The following KCNIP4 variants were observed in gnomAD, a reference collection of about 807,000 sequenced individuals.
KCNIP4 encodes potassium voltage-gated channel interacting protein 4, also known as Kv channel-interacting protein 4.
A neutral mutation model predicts 34.0 loss-of-function variants in KCNIP4; 12 were observed. That is an observed-to-expected ratio of 0.35 (90% CI 0.23 to 0.57). KCNIP4 has a LOEUF of 0.57. Ranked by LOEUF, KCNIP4 falls within the 20% of genes least tolerant of loss-of-function variation. The probability of loss-of-function intolerance (pLI) is 0.83; values close to 1 mark genes in which losing one functional copy is unlikely to be tolerated. For synonymous variants in KCNIP4, 124 were observed against 102.2 expected (o/e 1.21, Z -1.29); for missense variants, 238 against 311.7 (o/e 0.76, Z 1.78).
At chr4:21,512,189 G>A (rs956641466) in intron 1 of KCNIP4, among the ~76,000 whole-genome samples, 4 of 65,250 alleles carry the variant, frequency 6.1e-5, no homozygotes, top group Non-Finnish European at 1.4e-4. Flanking sequence ...AGGAACGAAC[G>A]AAGGAACGAA....
At chr4:21,542,089 T>A (rs1248317259) in intron 1 of KCNIP4, among the ~76,000 whole-genome samples, 2 of 152,332 alleles carry the variant, frequency 1.3e-5, no homozygotes, top group Admixed American at 6.5e-5. Context: ...TGCAGCTAAG[T>A]AAGAGAACAT....
chr4:21,486,503 C>T (rs141591106), intron 1 of KCNIP4, among the ~76,000 whole-genome samples: 1 of 152,240 alleles, frequency 6.6e-6, no homozygotes, highest in African/African-American at 2.4e-5. Context: ...CTCTAAGAAT[C>T]ATCAGTAAAA....
chr4:21,450,928 T>A (rs1025479923), intron 1 of KCNIP4, among the ~76,000 whole-genome samples: 2 of 152,144 alleles, frequency 1.3e-5, no homozygotes, highest in Non-Finnish European at 2.9e-5. Flanking sequence ...AAATCACAAA[T>A]AATTTGGGAT....
At chr4:21,030,017 C>T (rs1014520531) in intron 1 of KCNIP4, among the ~76,000 whole-genome samples, 1 of 152,188 alleles carries the variant, frequency 6.6e-6, no homozygotes, top group African/African-American at 2.4e-5. Flanking sequence ...CAGTTGGAGA[C>T]TCCCTTTGCT....
intron 1 of KCNIP4, among the ~76,000 whole-genome samples, chr4:21,139,573 A>C (rs906575938): frequency 4.6e-5 from 7 of 151,954 alleles, no homozygotes; most frequent in Non-Finnish European, 8.8e-5. Flanking sequence ...CTGTGATCAC[A>C]CCCTTCCCAG....
intron 1 of KCNIP4, among the ~76,000 whole-genome samples, chr4:21,323,656 A>G (rs909498392): frequency 1.3e-5 from 2 of 151,918 alleles, no homozygotes; most frequent in African/African-American, 2.4e-5. Flanking sequence ...TCCTTTATCC[A>G]TTTGTTTTTG....
At chr4:21,371,503 G>A (rs1720449439) in intron 1 of KCNIP4, among the ~76,000 whole-genome samples, 2 of 146,822 alleles carry the variant, frequency 1.4e-5, no homozygotes, top group South Asian at 4.2e-4. Flanking sequence ...GTGAGCTTGA[G>A]CATGATCCCT....
At chr4:21,616,996 T>C (rs1744653023) in intron 1 of KCNIP4, among the ~76,000 whole-genome samples, 1 of 152,226 alleles carries the variant, frequency 6.6e-6, no homozygotes, top group Non-Finnish European at 1.5e-5. Context: ...TACTAAGTGA[T>C]GTAAGTTCTT....
intron 1 of KCNIP4, among the ~76,000 whole-genome samples, chr4:21,257,940 G>T (rs115007331): frequency 9.9e-5 from 15 of 152,146 alleles, no homozygotes; most frequent in African/African-American, 3.1e-4. Context: ...GTAGCAAGCC[G>T]TTCTGATTGT....
At chr4:21,051,431 G>A (rs1183569747) in intron 1 of KCNIP4, among the ~76,000 whole-genome samples, 1 of 152,116 alleles carries the variant, frequency 6.6e-6, no homozygotes, top group East Asian at 1.9e-4. Flanking sequence ...ATAAAAAGCA[G>A]TAATTAATTT....
chr4:21,504,077 G>T (rs1266684244), intron 1 of KCNIP4, among the ~76,000 whole-genome samples: 1 of 152,078 alleles, frequency 6.6e-6, no homozygotes, highest in Non-Finnish European at 1.5e-5. Context: ...AGGGCTCAAA[G>T]ATCTACATTT....
At position 21,372,320 on chromosome 4, in the gene KCNIP4, G is replaced by T. The variant is rs1053478897; in HGVS notation, c.62-489611C>A. 2.1e-5 allele frequency among the ~76,000 whole-genome samples: 3 copies of T among 146,048 alleles called. 1 individual carries two copies. Among genetic ancestry groups the T allele is most frequent in the African/African-American group, 8.3e-5 (3 of 36,132 alleles). On this transcript the variant is annotated intron_variant, in intron 1 of 8. Coordinates refer to ENST00000382152, the MANE Select transcript of KCNIP4 (RefSeq NM_025221.6). ...TATATTCAATGTATCAAACTGGATA[G>T]AGAGTTCTTTTTTCAAGTTTTCCAG...
At chr4:21,836,327 G>T (rs534124797) in intron 1 of KCNIP4, among the ~76,000 whole-genome samples, 1 of 152,194 alleles carries the variant, frequency 6.6e-6, no homozygotes, top group East Asian at 1.9e-4. Context: ...TACATCAACA[G>T]CTTTTGCCTG....
intron 1 of KCNIP4, chr4:20,983,822 A>G (rs1395823634): frequency 6.5e-6 from 10 of 1,536,300 alleles, no homozygotes; most frequent in Non-Finnish European, 7.8e-6. Context: ...ACCTTCCGAA[A>G]AATCAATCAG....
intron 1 of KCNIP4, among the ~76,000 whole-genome samples, chr4:21,221,374 G>A (rs1203918014): frequency 6.6e-6 from 1 of 152,146 alleles, no homozygotes; most frequent in Admixed American, 6.6e-5. Context: ...AAAGGAAAGA[G>A]GTTTAATCGA....
At chr4:21,609,638 A>G (rs922840753) in intron 1 of KCNIP4, among the ~76,000 whole-genome samples, 1 of 152,228 alleles carries the variant, frequency 6.6e-6, no homozygotes, top group Non-Finnish European at 1.5e-5. Flanking sequence ...ATATTTCTTA[A>G]CAAGATATCC....
intron 1 of KCNIP4, among the ~76,000 whole-genome samples, chr4:21,684,452 C>G (rs1013178525): frequency 1.3e-5 from 2 of 152,212 alleles, no homozygotes; most frequent in South Asian, 4.1e-4. Context: ...ATATGGTTGT[C>G]TTTCCTAAAA....
At chr4:21,550,822 TC>T (rs1342786124) in intron 1 of KCNIP4, among the ~76,000 whole-genome samples, 3 of 151,980 alleles carry the variant, frequency 2.0e-5, no homozygotes, top group Admixed American at 6.6e-5. Context: ...TTTTAAAATT[TC>T]AAAAAAACCA....
chr4:21,396,030 T>TAC (rs1722958987), intron 1 of KCNIP4, among the ~76,000 whole-genome samples: 1 of 151,790 alleles, frequency 6.6e-6, no homozygotes, highest in Non-Finnish European at 1.5e-5. Context: ...ACTATATATA[T>TAC]ACATATATAA....
Sources: gnomAD v4.1 joint callset for allele counts (sites outside exome capture counted in the v4.1 genomes callset) on GRCh38, gnomAD v4.1.1 for gene constraint, MANE v1.5 for transcripts, NCBI Gene and HGNC (gene_info 2026-07-23, HGNC 2026-07-21) for gene names.